RBFOX1: variants seen among roughly 807,000 people sequenced by gnomAD.
RBFOX1 encodes the protein RNA binding fox-1 homolog 1.
RBFOX1 carries 8 observed loss-of-function variants against 57.7 expected under a neutral mutation model. The observed-to-expected ratio is 0.14, with a 90% confidence interval of 0.08 to 0.25. The LOEUF is 0.25. RBFOX1 is among the 10% of genes least tolerant of loss of function. RBFOX1 has a pLI of 1.00. For synonymous variants in RBFOX1, 326 were observed against 222.4 expected, an observed-to-expected ratio of 1.47 and a Z score of -4.15; for missense variants, 611 against 548.5, an observed-to-expected ratio of 1.11 and a Z score of -1.14.
At chr16:5,527,334 A>T (rs1398262061) in intron 2 of RBFOX1, among the ~76,000 whole-genome samples, 1 of 152,202 alleles carries the variant, frequency 6.6e-6, no homozygotes, top group African/African-American at 2.4e-5. Flanking sequence ...ACACTGGGAA[A>T]TGGAGTTCGT....
chr16:5,396,633 C>T (rs1006723546), intron 1 of RBFOX1, among the ~76,000 whole-genome samples: 1 of 152,104 alleles, frequency 6.6e-6, no homozygotes, highest in Non-Finnish European at 1.5e-5. Context: ...CAGAACAAGA[C>T]TCTGTCTCGA....
intron 3 of RBFOX1, among the ~76,000 whole-genome samples, chr16:6,713,667 C>G (rs779995170): frequency 2.0e-5 from 3 of 152,182 alleles, no homozygotes; most frequent in Non-Finnish European, 4.4e-5. Context: ...TACAGTTGCC[C>G]AAACATCCCC....
chr16:6,590,973 G>T (rs1005454362), intron 2 of RBFOX1, among the ~76,000 whole-genome samples: 1 of 152,122 alleles, frequency 6.6e-6, no homozygotes, highest in African/African-American at 2.4e-5. Context: ...CCCAGTGCTG[G>T]ACTACACTTT....
chr16:5,859,909 A>G (rs948538237), intron 3 of RBFOX1, among the ~76,000 whole-genome samples: 1 of 152,144 alleles, frequency 6.6e-6, no homozygotes, highest in Non-Finnish European at 1.5e-5. Context: ...TCTTGGTGAA[A>G]TTCAGTTGAC....
At chr16:6,849,544 C>G (rs537160234) in intron 3 of RBFOX1, among the ~76,000 whole-genome samples, 2 of 152,124 alleles carry the variant, frequency 1.3e-5, no homozygotes, top group Non-Finnish European at 2.9e-5. Context: ...TGGTGCATGC[C>G]TGTAGTCCCA....
intron 4 of RBFOX1, among the ~76,000 whole-genome samples, chr16:7,447,515 C>T (rs1398031651): frequency 6.7e-6 from 1 of 148,744 alleles, no homozygotes; most frequent in East Asian, 2.0e-4. Flanking sequence ...AGCATAAAAA[C>T]ACATTGCCTG....
rs116976590 is a variant in RBFOX1, at chr16:6,337,213, C to T, written c.-64+20156C>T. ...GTTGATTCCCCTTTTCTCTCATTTC[C>T]CCCAAAACACCAAAGAAGGAGGGCC... On this transcript the variant is annotated intron_variant, in intron 2 of 15. Coordinates refer to ENST00000550418, the MANE Select transcript of RBFOX1 (RefSeq NM_018723.4). 8.3e-4 allele frequency among the ~76,000 whole-genome samples: 127 copies of T among 152,206 alleles called. 2 individuals carry two copies. In the East Asian group the frequency reaches 0.022, roughly 26 times the overall value.
Position 5,705,177 on chromosome 16 carries a change from C to G in RBFOX1, c.318+106216C>G, listed in dbSNP as rs540326212. On this transcript the variant is annotated intron_variant, in intron 3 of 19. Transcript: ENST00000641259. ...TTTGATCTTTGTCCTTGAAGGCTATCTTCCTATCTTCCATCATGCTTCATA... is the reference window on the plus strand; with the variant it reads ...TTTGATCTTTGTCCTTGAAGGCTATGTTCCTATCTTCCATCATGCTTCATA... Among the ~76,000 whole-genome samples, 25 of 152,310 alleles carry G rather than the reference C, an allele frequency of 1.6e-4. No homozygotes were observed. The South Asian group carries it at 5.0e-3, about 30-fold the overall frequency.
intron 4 of RBFOX1, among the ~76,000 whole-genome samples, chr16:7,163,802 G>T (rs913874663): frequency 6.6e-6 from 1 of 151,966 alleles, no homozygotes; most frequent in African/African-American, 2.4e-5. Context: ...GACTGTAGGC[G>T]CATGCCACCA....
At chr16:6,367,366 G>T (rs1375883186) in intron 2 of RBFOX1, among the ~76,000 whole-genome samples, 1 of 152,092 alleles carries the variant, frequency 6.6e-6, no homozygotes, top group Non-Finnish European at 1.5e-5. Flanking sequence ...TGCCTCCCGG[G>T]TTCAGGTGAT....
rs726241 is a variant in RBFOX1, at chr16:5,781,325, A to G, written c.319-85978A>G. ...TCCATAGCCTCCTCCTCTTGACTCT[A>G]TTGACTCTATTGAACCTATTTCTAG... On this transcript the variant is annotated intron_variant, in intron 3 of 19. Transcript: ENST00000641259. 5.8e-3 allele frequency among the ~76,000 whole-genome samples: 883 copies of G among 152,268 alleles called. 11 individuals are homozygous for G. The highest frequency in any genetic ancestry group is 0.019 in the African/African-American group (804 of 41,560).
intron 1 of RBFOX1, among the ~76,000 whole-genome samples, chr16:6,238,572 G>A (rs1271604509): frequency 6.6e-6 from 1 of 152,152 alleles, no homozygotes; most frequent in Non-Finnish European, 1.5e-5. Context: ...GTATGTATTA[G>A]TGATTCTCAA....
chr16:5,647,794 T>C lies in RBFOX1; in HGVS notation c.318+48833T>C, dbSNP rs2049101039. Among the ~76,000 whole-genome samples the C allele has an allele frequency of 3.9e-5, 6 of 152,316 alleles. No individual in the cohort carries two copies. The South Asian group carries it at 1.2e-3, about 32-fold the overall frequency. ...TTCCCGGAACAGATTCTGTGTGTGC[T>C]TTATTTTAAAAATCTCTGCTTCCCA... is the stretch of plus-strand genomic sequence containing the variant. On this transcript the variant is annotated intron_variant, in intron 3 of 19. Transcript: ENST00000641259.
chr16:7,669,477 A>G (rs751119783), intron 13 of RBFOX1, among the ~76,000 whole-genome samples: 11 of 152,228 alleles, frequency 7.2e-5, no homozygotes, highest in African/African-American at 1.7e-4. Flanking sequence ...GTGAGAGGAT[A>G]TAGAGTATAA....
At chr16:5,425,192 G>T (rs1307043143) in intron 1 of RBFOX1, among the ~76,000 whole-genome samples, 3 of 151,240 alleles carry the variant, frequency 2.0e-5, no homozygotes, top group Non-Finnish European at 4.4e-5. Context: ...TGCAACCTCC[G>T]ACTCCTTGGT....
chr16:6,971,050 C>G (rs1269010659), intron 3 of RBFOX1, among the ~76,000 whole-genome samples: 1 of 152,092 alleles, frequency 6.6e-6, no homozygotes, highest in Middle Eastern at 3.2e-3. Context: ...CTAATCTGTC[C>G]AAGACATAAT....
intron 1 of RBFOX1, among the ~76,000 whole-genome samples, chr16:5,432,676 G>A (rs1410588340): frequency 6.6e-6 from 1 of 151,798 alleles, no homozygotes; most frequent in East Asian, 1.9e-4. Context: ...GTCAAAGAGG[G>A]CTGACTGTGG....
chr16:7,090,850 T>A (rs1171152706), intron 4 of RBFOX1, among the ~76,000 whole-genome samples: 1 of 152,126 alleles, frequency 6.6e-6, no homozygotes, highest in East Asian at 1.9e-4. Flanking sequence ...AGGCTACACT[T>A]GCCGTAGAAT....
chr16:5,936,584 GCA>G (rs1173283851), intron 4 of RBFOX1, among the ~76,000 whole-genome samples: 1 of 152,184 alleles, frequency 6.6e-6, no homozygotes, highest in East Asian at 1.9e-4. Context: ...AGAGAGGAAG[GCA>G]CAGAAAGAGG....
Sources: allele counts gnomAD v4.1 joint callset (sites outside exome capture counted in the v4.1 genomes callset), GRCh38; gene constraint gnomAD v4.1.1; transcripts MANE v1.5; gene names NCBI Gene and HGNC (gene_info 2026-07-23, HGNC 2026-07-21).